The following TRPM6 variants were observed in gnomAD, a reference collection of about 807,000 sequenced individuals.
TRPM6 encodes transient receptor potential cation channel subfamily M member 6, also known as channel kinase 2.
TRPM6 carries 111 observed loss-of-function variants against 247.6 expected under a neutral mutation model. The observed-to-expected ratio is 0.45, with a 90% CI of 0.38 to 0.52. The LOEUF (loss-of-function observed/expected upper bound fraction) is 0.52. Among genes scored for constraint, TRPM6 ranks in the 20% least tolerant of loss-of-function variants. The pLI, the probability that TRPM6 is intolerant of heterozygous loss-of-function variation, is 0.00. For synonymous variants in TRPM6, 892 were observed against 853.8 expected (o/e 1.04, Z -0.78); for missense variants, 2,126 against 2,421.5 (o/e 0.88, Z 2.56).
chr9:74,840,267 A>T, intron 4 of TRPM6, 30 bp from the exon 5 acceptor site: 1 of 1,524,960 alleles, frequency 6.6e-7, no homozygotes, highest in African/African-American at 1.4e-5. Context: ...AGGTGAACAG[A>T]ACATTGTAAA....
At chr9:74,785,757 T>TC in intron 21 of TRPM6, 117 bp downstream of exon 21, 3 of 1,132,982 alleles carry the variant, frequency 2.6e-6, no homozygotes, top group South Asian at 2.5e-5. Flanking sequence ...TCTCCTGACC[T>TC]TGTGATCCGC....
intron 14 of TRPM6, among the ~76,000 whole-genome samples, chr9:74,806,138 T>C (rs1239070425): frequency 1.3e-5 from 2 of 151,996 alleles, no homozygotes; most frequent in Admixed American, 1.3e-4. Flanking sequence ...GGGCAGGAGG[T>C]TGGCCATTGT....
At chr9:74,875,522 G>A (rs951725393) in intron 1 of TRPM6, among the ~76,000 whole-genome samples, 25 of 152,164 alleles carry the variant, frequency 1.6e-4, no homozygotes, top group African/African-American at 4.6e-4. Flanking sequence ...CAGCCTGGGC[G>A]ACAGAGCTTG....
chr9:74,777,285 GGGTT>G (rs369614246), intron 23 of TRPM6, among the ~76,000 whole-genome samples: 4 of 151,882 alleles, frequency 2.6e-5, no homozygotes, highest in African/African-American at 4.8e-5. Flanking sequence ...TAAATTTTGG[GGGTT>G]GGTTGGTTGG....
intron 24 of TRPM6, among the ~76,000 whole-genome samples, chr9:74,772,351 A>T (rs1444694978): frequency 2.6e-5 from 4 of 152,264 alleles, no homozygotes; most frequent in African/African-American, 9.6e-5. Flanking sequence ...AAAATGACTC[A>T]TATATAGAAT....
At chr9:74,727,943 G>C (rs538239012) in intron 38 of TRPM6, among the ~76,000 whole-genome samples, 2 of 152,234 alleles carry the variant, frequency 1.3e-5, no homozygotes, top group African/African-American at 4.8e-5. Context: ...CGGGGGCAAA[G>C]ACCAGCCTCG....
At position 74,732,685 on chromosome 9, in the gene TRPM6, T is replaced by C; in HGVS notation, c.5828A>G (p.Gln1943Arg). ...DPSVIKPEVK[Q>R]SRGMVFGPAN... ...AATGATAACACATAAATTAACTTACTGTTTGACTTCAGGTTTTATAACAGA... is the reference window on the plus strand; with the variant it reads ...AATGATAACACATAAATTAACTTACCGTTTGACTTCAGGTTTTATAACAGA... The change falls in exon 37 of 39, where the codon CAA (glutamine) becomes CGA (arginine). Residue 1943 changes from glutamine (Q) to arginine (R), a missense_variant and splice_region_variant. This residue lies in a region of TRPM6 where 327 missense variants were observed against 397.7 expected (regional missense o/e 0.82). Coordinates refer to ENST00000360774, the MANE Select transcript of TRPM6 (RefSeq NM_017662.5). The C allele has an allele frequency of 6.2e-7, 1 of 1,602,828 alleles. No homozygotes were observed. Among genetic ancestry groups the C allele is most frequent in the Non-Finnish European group, 8.5e-7 (1 of 1,172,122 alleles).
rs1165860188 is a variant in TRPM6, at chr9:74,858,698, T to G, written c.84A>C (p.Thr28=). The change falls in exon 2 of 39, where the codon ACA becomes ACC. Residue 28 remains threonine (T), a synonymous_variant. Transcript: ENST00000360774. The part of the protein sequence containing the change: ...KGVFDKRECS[T]IIPSSKNPHR... ...GAGGATTTTTTGAGCTGGGTATGAT[T>G]GTGCTACATTCTCTCTTGTCAAATA... 1 of 1,613,632 alleles carries G rather than the reference T, an allele frequency of 6.2e-7. No homozygotes were observed. The highest frequency in any genetic ancestry group is 2.2e-5 in the East Asian group (1 of 44,796).
At chr9:74,828,114 G>T (rs973902336) in intron 6 of TRPM6, among the ~76,000 whole-genome samples, 165 bp from the exon 7 acceptor site, 2 of 152,160 alleles carry the variant, frequency 1.3e-5, no homozygotes, top group African/African-American at 4.8e-5. Context: ...AGCACTTTGG[G>T]AAGCCAAGGT....
In TRPM6 at chr9:74,816,968, C is replaced by T; in HGVS notation, c.1135-4G>A. The T allele has an allele frequency of 6.2e-7, 1 of 1,613,318 alleles. No individual in the cohort carries two copies. Among genetic ancestry groups the T allele is most frequent in the Non-Finnish European group, 8.5e-7 (1 of 1,179,394 alleles). On this transcript the variant is annotated splice_polypyrimidine_tract_variant and splice_region_variant and intron_variant, in intron 9 of 38. Transcript: ENST00000360774. The stretch of plus-strand genomic sequence containing the variant: ...AGTCAGCATCAAATATGGTAATCTA[C>T]AACAGTGAAAAACAGAGAGCCATAC...
intron 5 of TRPM6, among the ~76,000 whole-genome samples, chr9:74,835,562 A>G (rs1829696716): frequency 6.6e-6 from 1 of 152,142 alleles, no homozygotes; most frequent in African/African-American, 2.4e-5. Flanking sequence ...TTAGTACAGT[A>G]GCCAACACTT....
intron 1 of TRPM6, among the ~76,000 whole-genome samples, chr9:74,866,331 C>T (rs1306167502): frequency 6.6e-6 from 1 of 152,028 alleles, no homozygotes; most frequent in Non-Finnish European, 1.5e-5. Context: ...ACGTGTGTAA[C>T]TTAGACAAAT....
chr9:74,821,325 G>A lies in TRPM6; in HGVS notation c.1010+344C>T, dbSNP rs575662007. Reference sequence around the variant, plus strand: ...GGCAAATGAATTTGAAGGTGCTCTGGGCCCAACACTGGCCACCTCCCTTAC... The same window carrying A: ...GGCAAATGAATTTGAAGGTGCTCTGAGCCCAACACTGGCCACCTCCCTTAC... On this transcript the variant is annotated intron_variant, in intron 8 of 38. Transcript: ENST00000360774. Among the ~76,000 whole-genome samples, 49 of 152,074 alleles carry A rather than the reference G, an allele frequency of 3.2e-4. 1 individual carries two copies. The highest frequency in any genetic ancestry group is 1.2e-3 in the African/African-American group (48 of 41,480).
intron 1 of TRPM6, among the ~76,000 whole-genome samples, chr9:74,866,176 G>T (rs12686445): frequency 0.34 from 51,334 of 151,994 alleles, 9,238 homozygotes; most frequent in East Asian, 0.5. Context: ...TTAAAAAGAA[G>T]TTACAGGTTA....
chr9:74,868,530 T>A (rs1424952732), intron 1 of TRPM6, among the ~76,000 whole-genome samples: 1 of 151,764 alleles, frequency 6.6e-6, no homozygotes, highest in Non-Finnish European at 1.5e-5. Context: ...ATAAAAAGTG[T>A]CCCAAATGCC....
At chr9:74,801,747 G>A (rs1031670395) in intron 16 of TRPM6, 151 bp downstream of exon 16, 1 of 956,318 alleles carries the variant, frequency 1.0e-6, no homozygotes. Context: ...AAGCTCCTTA[G>A]AATACCTGAA....
intron 3 of TRPM6, among the ~76,000 whole-genome samples, chr9:74,854,466 G>A (rs561987359): frequency 4.6e-5 from 7 of 151,940 alleles, no homozygotes; most frequent in Non-Finnish European, 8.8e-5. Flanking sequence ...AGCAAACACC[G>A]CAATTACGTT....
Position 74,800,369 on chromosome 9 carries a change from A to G in TRPM6, c.2123T>C (p.Leu708Pro). Reference sequence around the variant, plus strand: ...TAATCCTCCCGACACGGCCAGTTTAAGGCAGGTCGAATTGCTCCAGTTCCT... The same window carrying G: ...TAATCCTCCCGACACGGCCAGTTTAGGGCAGGTCGAATTGCTCCAGTTCCT... ...ELRNWSNSTCLKLAVSGGLRP... is the reference protein window; with the variant it reads ...ELRNWSNSTCPKLAVSGGLRP... The change falls in exon 17 of 39, where the codon CTT (leucine) becomes CCT (proline). Residue 708 changes from leucine to proline, a missense_variant. Coordinates refer to ENST00000360774, the MANE Select transcript of TRPM6 (RefSeq NM_017662.5). The G allele has an allele frequency of 6.2e-7, 1 of 1,614,060 alleles. No individual in the cohort carries two copies. Among genetic ancestry groups the G allele is most frequent in the Non-Finnish European group, 8.5e-7 (1 of 1,180,014 alleles).
At position 74,834,071 on chromosome 9, in the gene TRPM6, A is replaced by C. The variant is rs1295959405; in HGVS notation, c.596T>G (p.Leu199Trp). Reference protein sequence around the residue: ...DALKSHSSHSLRKIWTVGIPP... With the variant: ...DALKSHSSHSWRKIWTVGIPP... ...GATTCCAACTGTCCAGATTTTTCTC[A>C]AGGAATGAGAGGAATGGGATTTCAA... The change falls in exon 6 of 39, where the codon TTG (leucine) becomes TGG (tryptophan). Residue 199 changes from leucine (L) to tryptophan (W), a missense_variant. By Grantham distance (61) the Leu-to-Trp change is moderately conservative. Coordinates refer to ENST00000360774, the MANE Select transcript of TRPM6 (RefSeq NM_017662.5). The C allele has an allele frequency of 1.9e-6, 3 of 1,613,990 alleles. No individual in the cohort carries two copies. Among genetic ancestry groups the C allele is most frequent in the Non-Finnish European group, 2.5e-6 (3 of 1,179,986 alleles).
Sources: allele counts gnomAD v4.1 joint callset (sites outside exome capture counted in the v4.1 genomes callset), GRCh38; gene constraint gnomAD v4.1.1; regional missense constraint gnomAD v4.1.1; transcripts MANE v1.5; gene names NCBI Gene and HGNC (gene_info 2026-07-23, HGNC 2026-07-21).